Variants in DGKK observed in about 807,000 individuals in gnomAD.
The protein encoded by DGKK is diacylglycerol kinase kappa.
In DGKK, 35 loss-of-function variants were observed where a neutral mutation model predicts 92.2. The ratio of observed to expected loss-of-function variants is 0.38; its 90% confidence interval spans 0.29 to 0.50. The LOEUF is 0.50. DGKK is among the 20% of genes least tolerant of loss of function. The pLI is 0.92. For missense variants in DGKK, 910 were observed against 992.2 expected, an observed-to-expected ratio of 0.92 and a Z score of 1.11; for synonymous variants, 368 against 360.6, an observed-to-expected ratio of 1.02 and a Z score of -0.23.
intron 4 of DGKK, among the ~76,000 whole-genome samples, chrX:50,418,151 T>C (rs782048404): frequency 5.1e-4 from 57 of 111,672 alleles, no homozygotes; most frequent in Middle Eastern, 4.6e-3. Flanking sequence ...CTCCAGCCCA[T>C]ACTTATCTCT....
At chrX:50,405,970 A>G (rs1557227239) in intron 4 of DGKK, among the ~76,000 whole-genome samples, 1 of 111,498 alleles carries the variant, frequency 9.0e-6, no homozygotes, top group East Asian at 2.8e-4. Context: ...CCTCTCCTCC[A>G]ATAATTACTA....
Position 50,422,597 on chromosome X carries a change from A to AACACACACACAC in DGKK, c.757-83_757-72dup, listed in dbSNP as rs59226442. On this transcript the variant is annotated intron_variant, in intron 2 of 27. Coordinates refer to ENST00000611977, the MANE Select transcript of DGKK (RefSeq NM_001013742.4). ...TGATGCAAAGAGACATTAAAAGGTA[A>AACACACACACAC]ACACACACACACACACACACACACA... 7.5e-3 allele frequency: 2,625 copies of AACACACACACAC among 350,692 alleles called. 96 individuals are homozygous for AACACACACACAC. In the African/African-American group the frequency reaches 0.078, roughly 10 times the overall value. The allele number at this position is 350,692 out of a possible 1,213,427, so 28.9% of individuals were successfully genotyped here.
Position 50,387,561 on chromosome X carries a change from A to C in DGKK, c.2111T>G (p.Ile704Ser). Residue 704 changes from isoleucine to serine, a missense_variant, in exon 14 of 28, where the codon ATT becomes AGT. Transcript: ENST00000611977. The part of the protein sequence containing the change: ...KQNNTAIVSV[I>S]LKSDLMYDRL... ...AAAGGAATGGGAACTTACTTTCAAAATCACAGACACTATTGCAGTGTTGTT... is the reference window on the plus strand; with the variant it reads ...AAAGGAATGGGAACTTACTTTCAAACTCACAGACACTATTGCAGTGTTGTT... The C allele has an allele frequency of 1.7e-6, 2 of 1,201,315 alleles. No individual in the cohort carries two copies. The highest frequency in any genetic ancestry group is 2.3e-6 in the Non-Finnish European group (2 of 886,956).
intron 18 of DGKK, 48 bp from the exon 19 acceptor site, chrX:50,380,125 A>G: frequency 9.9e-7 from 1 of 1,015,164 alleles, no homozygotes; most frequent in Non-Finnish European, 1.4e-6. Context: ...TGATATATAG[A>G]TAAATGGTGG....
intron 25 of DGKK, among the ~76,000 whole-genome samples, chrX:50,374,482 G>A (rs1423090135): frequency 9.0e-6 from 1 of 111,578 alleles, no homozygotes; most frequent in Non-Finnish European, 1.9e-5. Context: ...AGGACACCTA[G>A]TTCTTGATAC....
In DGKK at chrX:50,470,758, T is replaced by G. The variant is rs1420443681; in HGVS notation, c.-80A>C. On this transcript the variant is annotated 5_prime_UTR_variant, in exon 1 of 28. Transcript: ENST00000611977. ...AAGTACCCTCGGGCGCCCCGCCCAC[T>G]CCAGTCCGGCAGCCCCTCGCAGGGT... 1 of 1,036,733 alleles carries G rather than the reference T, an allele frequency of 9.6e-7. No homozygotes were observed. Among genetic ancestry groups the G allele is most frequent in the Non-Finnish European group, 1.3e-6 (1 of 798,408 alleles). 85.4% of individuals were successfully genotyped at this position (1,036,733 alleles called of 1,213,427 possible). A position where few individuals can be genotyped will look rare whatever the true frequency, so the allele number is the denominator to read the frequency against.
rs1924397951 is a variant in DGKK at position 50,380,933 on chromosome X, G to A, written c.2658-856C>T. 2.7e-5 allele frequency among the ~76,000 whole-genome samples: 3 copies of A among 111,748 alleles called. No individual in the cohort carries two copies. In the South Asian group the frequency reaches 1.1e-3, roughly 43 times the overall value. ...AATAGGAGTTTAGGTATATGAAAATGTACAATACCTAGAACAAACCAATTC... is the reference window on the plus strand; with the variant it reads ...AATAGGAGTTTAGGTATATGAAAATATACAATACCTAGAACAAACCAATTC... On this transcript the variant is annotated intron_variant, in intron 18 of 27. Transcript: ENST00000611977.
intron 25 of DGKK, among the ~76,000 whole-genome samples, chrX:50,372,324 G>C (rs148456852): frequency 2.7e-5 from 3 of 112,321 alleles, no homozygotes; most frequent in South Asian, 3.8e-4. Flanking sequence ...AAGAAGTTTA[G>C]TGCTCAAGAT....
At chrX:50,371,286 G>T (rs1924118363) in intron 26 of DGKK, among the ~76,000 whole-genome samples, 1 of 111,932 alleles carries the variant, frequency 8.9e-6, no homozygotes, top group Non-Finnish European at 1.9e-5. Context: ...TTAACCACCA[G>T]TATGGCCTGG....
intron 1 of DGKK, among the ~76,000 whole-genome samples, chrX:50,430,572 C>T (rs1183557108): frequency 5.4e-5 from 6 of 111,668 alleles, no homozygotes; most frequent in African/African-American, 2.0e-4. Flanking sequence ...GAATGTAGGA[C>T]TCCAAGGCAT....
Position 50,470,784 on chromosome X carries a change from G to A in DGKK, c.-106C>T, listed in dbSNP as rs186897356. On this transcript the variant is annotated 5_prime_UTR_variant, in exon 1 of 28. Coordinates refer to ENST00000611977, the MANE Select transcript of DGKK (RefSeq NM_001013742.4). Reference sequence around the variant, plus strand: ...CCAGTCCGGCAGCCCCTCGCAGGGTGCCAAACTTTCCCCCATCCCACTCCA... The same window carrying A: ...CCAGTCCGGCAGCCCCTCGCAGGGTACCAAACTTTCCCCCATCCCACTCCA... 2.6e-4 allele frequency: 243 copies of A among 944,045 alleles called. No individual in the cohort carries two copies. In the African/African-American group the frequency reaches 4.4e-3, roughly 17 times the overall value. 77.8% of individuals were successfully genotyped at this position (944,045 alleles called of 1,213,427 possible).
intron 4 of DGKK, among the ~76,000 whole-genome samples, chrX:50,419,050 T>G (rs1164662979): frequency 9.0e-6 from 1 of 111,650 alleles, no homozygotes; most frequent in African/African-American, 3.3e-5. Context: ...CTGCCTCTAA[T>G]GTTGTACCAT....
intron 18 of DGKK, 89 bp downstream of exon 18, chrX:50,382,407 T>G: frequency 3.0e-6 from 2 of 657,852 alleles, no homozygotes; most frequent in Non-Finnish European, 4.5e-6. Flanking sequence ...TTCTTTCTGT[T>G]GCTTGTCTGA....
rs1282520747 is a variant in DGKK at position 50,447,369 on chromosome X, T to A, written c.645+22665A>T. Among the ~76,000 whole-genome samples, 8 of 11,604 alleles carry A rather than the reference T, an allele frequency of 6.9e-4. No individual in the cohort carries two copies. In the African/African-American group the frequency reaches 8.1e-3, roughly 12 times the overall value. The allele number at this position is 11,604 out of a possible 115,157, so 10.1% of individuals were successfully genotyped here. On this transcript the variant is annotated intron_variant, in intron 1 of 27. Transcript: ENST00000611977. The stretch of plus-strand genomic sequence containing the variant: ...TATATATATATATAATATATATATA[T>A]TATATATATATATAATATATATATA...
At chrX:50,418,160 C>T (rs952848802) in intron 4 of DGKK, among the ~76,000 whole-genome samples, 1 of 111,695 alleles carries the variant, frequency 9.0e-6, no homozygotes, top group Non-Finnish European at 1.9e-5. Context: ...ATACTTATCT[C>T]TTTCTCCTCT....
intron 4 of DGKK, among the ~76,000 whole-genome samples, chrX:50,418,540 G>C (rs1557228791): frequency 9.0e-6 from 1 of 111,491 alleles, no homozygotes; most frequent in African/African-American, 3.3e-5. Context: ...AAGATAGAAG[G>C]GACCATTAGA....
intron 18 of DGKK, among the ~76,000 whole-genome samples, chrX:50,381,618 TATTA>T (rs1414732372): frequency 8.9e-6 from 1 of 112,139 alleles, no homozygotes; most frequent in Non-Finnish European, 1.9e-5. Context: ...CACTTAAATG[TATTA>T]ATAAGAGCTA....
intron 4 of DGKK, among the ~76,000 whole-genome samples, chrX:50,410,766 G>A (rs1925283872): frequency 8.9e-6 from 1 of 111,762 alleles, no homozygotes; most frequent in South Asian, 3.8e-4. Flanking sequence ...GTGCCTCAGA[G>A]AATTTCCCTG....
intron 15 of DGKK, among the ~76,000 whole-genome samples, chrX:50,386,119 A>T (rs903106052): frequency 7.2e-5 from 8 of 111,775 alleles, no homozygotes; most frequent in Non-Finnish European, 1.3e-4. Context: ...TTGGTTTCCA[A>T]AAATGAGTAG....
Sources: gnomAD v4.1 joint callset for allele counts (sites outside exome capture counted in the v4.1 genomes callset) on GRCh38, gnomAD v4.1.1 for gene constraint, MANE v1.5 for transcripts, NCBI Gene and HGNC (gene_info 2026-07-23, HGNC 2026-07-21) for gene names.